The following SLF2 variants were observed in gnomAD, a reference collection of about 807,000 sequenced individuals.
SLF2 encodes SMC5-SMC6 complex localization factor protein 2.
SLF2 carries 68 observed loss-of-function variants against 124.3 expected under a neutral mutation model. The ratio of observed to expected loss-of-function variants is 0.55; its 90% CI spans 0.45 to 0.67. SLF2 has a LOEUF of 0.67. SLF2 is among the 30% of genes least tolerant of loss of function. SLF2 has a pLI of 0.00. For missense variants in SLF2, 1,246 were observed against 1,373.7 expected (o/e 0.91, Z 1.47); for synonymous variants, 480 against 478.8 (o/e 1.00, Z -0.03).
intron 4 of SLF2, among the ~76,000 whole-genome samples, chr10:100,921,896 A>T (rs189089279): frequency 1.7e-4 from 26 of 152,318 alleles, no homozygotes; most frequent in African/African-American, 6.3e-4. Context: ...AAGACATTTA[A>T]CCCCAGAAAA....
rs779505162 is a variant in SLF2, at chr10:100,944,095, A to G, written c.2724A>G (p.Thr908=). Reference sequence around the variant, plus strand: ...CATCTTATAAGCCAATTTTTTCAACACTTCCTGAAACCAACATTTTAAATG... The same window carrying G: ...CATCTTATAAGCCAATTTTTTCAACGCTTCCTGAAACCAACATTTTAAATG... ...EDSSYKPIFS[T]LPETNILNVV... is the part of the protein sequence containing the mutation. Residue 908 remains threonine (T), a synonymous_variant, in exon 12 of 20, where the codon ACA becomes ACG. Transcript: ENST00000238961. 8.1e-6 allele frequency: 13 copies of G among 1,612,560 alleles called. No homozygotes were observed. Among genetic ancestry groups the G allele is most frequent in the Non-Finnish European group, 1.1e-5 (13 of 1,179,120 alleles).
intron 17 of SLF2, among the ~76,000 whole-genome samples, chr10:100,955,287 A>G (rs1850309245): frequency 6.6e-6 from 1 of 152,024 alleles, no homozygotes; most frequent in South Asian, 2.1e-4. Flanking sequence ...ATTTTGCTAT[A>G]AGAATTCCCA....
chr10:100,916,504 T>C (rs975359625), intron 2 of SLF2, 66 bp from the exon 3 acceptor site: 4 of 1,162,910 alleles, frequency 3.4e-6, no homozygotes, highest in Non-Finnish European at 4.3e-6. Context: ...TAAACATTAA[T>C]AATTTAGATA....
chr10:100,954,932 C>A (rs983618173), intron 17 of SLF2, among the ~76,000 whole-genome samples: 3 of 147,892 alleles, frequency 2.0e-5, no homozygotes, highest in Non-Finnish European at 3.0e-5. Context: ...GATAACAAGG[C>A]AAGACTCTCT....
chr10:100,926,329 G>A, intron 6 of SLF2: 1 of 1,417,196 alleles, frequency 7.1e-7, no homozygotes, highest in Non-Finnish European at 9.2e-7. Flanking sequence ...AAGAGGCCAG[G>A]TGTGATGGCT....
chr10:100,916,128 GT>G (rs1311869929), intron 2 of SLF2, 86 bp downstream of exon 2: 5 of 1,004,308 alleles, frequency 5.0e-6, no homozygotes, highest in Admixed American at 2.2e-5. Flanking sequence ...ACTCTAAACT[GT>G]TTTAGTAAAC....
rs773548097 is a variant in SLF2 at position 100,951,203 on chromosome 10, A to G, written c.3330+450A>G. Reference sequence around the variant, plus strand: ...GGTTGCAGTGAGCCGAGATTGCGCCACTGCACTCCAGCCTGGGCAACAAGA... The same window carrying G: ...GGTTGCAGTGAGCCGAGATTGCGCCGCTGCACTCCAGCCTGGGCAACAAGA... On this transcript the variant is annotated intron_variant, in intron 17 of 19. Coordinates refer to ENST00000238961, the MANE Select transcript of SLF2 (RefSeq NM_018121.4). Among the ~76,000 whole-genome samples the G allele has an allele frequency of 3.3e-4, 51 of 152,348 alleles. No individual in the cohort carries two copies. In the Middle Eastern group the frequency reaches 0.017, roughly 51 times the overall value.
chr10:100,918,309 A>T, intron 3 of SLF2, 75 bp from the exon 4 acceptor site: 2 of 913,890 alleles, frequency 2.2e-6, no homozygotes, highest in Non-Finnish European at 3.4e-6. Context: ...ATCTGTGTTT[A>T]AATGTTAGGA....
intron 18 of SLF2, 116 bp downstream of exon 18, chr10:100,956,653 G>GAGCCACCATGCCTA: frequency 7.1e-6 from 5 of 705,084 alleles, no homozygotes; most frequent in Non-Finnish European, 1.1e-5. Flanking sequence ...GGCTAGGCAT[G>GAGCCACCATGCCTA]GTGGCTCATG....
At position 100,926,187 on chromosome 10, in the gene SLF2, C is replaced by T. The variant is rs113290727; in HGVS notation, c.2042+168C>T. The T allele has an allele frequency of 2.0e-3, 3,049 of 1,550,808 alleles. 43 individuals are homozygous for T. The African/African-American group carries it at 0.033, about 17-fold the overall frequency. The stretch of plus-strand genomic sequence containing the variant: ...GTTGGCCGGACGCAGTGGCTCATGC[C>T]TGTAATCACAACACTTTGGGAGACC... On this transcript the variant is annotated intron_variant, in intron 6 of 19. Transcript: ENST00000238961.
At chr10:100,945,582 T>C in intron 13 of SLF2, 76 bp downstream of exon 13, 2 of 1,108,280 alleles carry the variant, frequency 1.8e-6, no homozygotes, top group Non-Finnish European at 2.4e-6. Flanking sequence ...ATGGAATTAA[T>C]ACTGTTTCTA....
rs138286422 is a variant in SLF2 at position 100,956,795 on chromosome 10, A to C, written c.3417+258A>C. On this transcript the variant is annotated intron_variant, in intron 18 of 19. Coordinates refer to ENST00000238961, the MANE Select transcript of SLF2 (RefSeq NM_018121.4). ...TTGAAAAATAGCCAGGCATGGTGTC[A>C]TGCACCTGTAGTTCTGGCTACTTGG... Among the ~76,000 whole-genome samples, 64 of 152,146 alleles carry C rather than the reference A, an allele frequency of 4.2e-4. 2 individuals are homozygous for C. In the East Asian group the frequency reaches 0.012, roughly 29 times the overall value.
intron 4 of SLF2, among the ~76,000 whole-genome samples, chr10:100,918,980 G>GGCTA (rs1240928238): frequency 7.0e-6 from 1 of 143,730 alleles, no homozygotes; most frequent in Non-Finnish European, 1.5e-5. Flanking sequence ...CTGAATCCTT[G>GGCTA]GCTACATCAG....
chr10:100,959,537 T>G, intron 19 of SLF2, 41 bp downstream of exon 19: 1 of 1,610,802 alleles, frequency 6.2e-7, no homozygotes, highest in East Asian at 2.2e-5. Flanking sequence ...CTTAATAGTT[T>G]TGCTGAATGG....
chr10:100,917,075 C>A lies in SLF2; in HGVS notation c.690C>A (p.Ser230Arg). The change falls in exon 3 of 20, where the codon AGC becomes AGA. Residue 230 changes from serine to arginine, a missense_variant. Ser to Arg is a moderately radical substitution (Grantham distance 110). Transcript: ENST00000238961. ...SSLSRHHPEE[S>R]PLGAKFQLSL... ...TGTCCAGGCACCACCCGGAAGAAAG[C>A]CCACTGGGAGCTAAATTCCAGTTGT... 1 of 1,614,124 alleles carries A rather than the reference C, an allele frequency of 6.2e-7. No individual in the cohort carries two copies. Among genetic ancestry groups the A allele is most frequent in the Non-Finnish European group, 8.5e-7 (1 of 1,180,026 alleles).
At position 100,956,457 on chromosome 10, in the gene SLF2, T is replaced by G. The variant is rs767697494; in HGVS notation, c.3337T>G (p.Phe1113Val). The G allele has an allele frequency of 2.5e-6, 4 of 1,600,760 alleles. No homozygotes were observed. In the East Asian group the frequency reaches 6.7e-5, roughly 27 times the overall value. Residue 1113 changes from phenylalanine to valine, a missense_variant, in exon 18 of 20, where the codon TTT (phenylalanine) becomes GTT (valine). This residue lies in a region of SLF2 where 535 missense variants were observed against 632.8 expected (regional missense o/e 0.85). Transcript: ENST00000238961. ...TTGCATTTGTTTTGCACAGAAACACTTTGTGCTACTCTGTGGGGCTTTGGA... is the reference window on the plus strand; with the variant it reads ...TTGCATTTGTTTTGCACAGAAACACGTTGTGCTACTCTGTGGGGCTTTGGA... The part of the protein sequence containing the change: ...HSFSSGQRKH[F>V]VLLCGALEKH...
intron 3 of SLF2, 147 bp from the exon 4 acceptor site, chr10:100,918,237 A>G (rs1321133534): frequency 3.3e-5 from 14 of 423,582 alleles, no homozygotes; most frequent in Middle Eastern, 3.6e-4. Context: ...ATCTTTAAAT[A>G]TTTTATTATA....
intron 6 of SLF2, chr10:100,926,538 C>CA: frequency 3.7e-6 from 1 of 271,456 alleles, no homozygotes; most frequent in Non-Finnish European, 6.8e-6. Context: ...CCAAGGAGGT[C>CA]AAGGCTGTAG....
chr10:100,937,140 GT>G (rs1344528856), intron 9 of SLF2, among the ~76,000 whole-genome samples: 2 of 151,964 alleles, frequency 1.3e-5, no homozygotes, highest in South Asian at 4.2e-4. Flanking sequence ...GTCTCAACCA[GT>G]CCTCCACTAC....
Sources: gnomAD v4.1 joint callset for allele counts (sites outside exome capture counted in the v4.1 genomes callset) on GRCh38, gnomAD v4.1.1 for gene constraint, gnomAD v4.1.1 regional missense constraint, MANE v1.5 for transcripts, NCBI Gene and HGNC (gene_info 2026-07-23, HGNC 2026-07-21) for gene names.